Variants in MYH15 observed in about 807,000 individuals in gnomAD.
MYH15 encodes myosin-15.
A neutral mutation model predicts 240.5 loss-of-function variants in MYH15; 227 were observed. The ratio of observed to expected loss-of-function variants is 0.94; its 90% CI spans 0.85 to 1.05. The LOEUF is 1.05. Among genes scored for constraint, MYH15 ranks in the 50% least tolerant of loss-of-function variants. The pLI is 0.00. For missense variants in MYH15, 2,217 were observed against 2,247.5 expected, an observed-to-expected ratio of 0.99 and a Z score of 0.27; for synonymous variants, 785 against 796.7, an observed-to-expected ratio of 0.99 and a Z score of 0.25.
chr3:108,407,482 T>C (rs1164944833), intron 32 of MYH15, among the ~76,000 whole-genome samples: 2 of 152,204 alleles, frequency 1.3e-5, no homozygotes, highest in African/African-American at 4.8e-5. Context: ...CATGATAAGA[T>C]GACTTCCTTG....
At chr3:108,506,099 C>A (rs1429161934) in intron 1 of MYH15, among the ~76,000 whole-genome samples, 2 of 152,066 alleles carry the variant, frequency 1.3e-5, no homozygotes, top group Non-Finnish European at 2.9e-5. Flanking sequence ...CCTCCCAACA[C>A]CCCTCCCAAC....
chr3:108,517,942 T>C (rs1427603858), intron 1 of MYH15, among the ~76,000 whole-genome samples: 5 of 152,192 alleles, frequency 3.3e-5, no homozygotes, highest in Non-Finnish European at 7.3e-5. Context: ...GATAGAGCAA[T>C]GTACAGGGCC....
At chr3:108,382,454 C>T (rs1015489969) in intron 40 of MYH15, among the ~76,000 whole-genome samples, 1 of 152,138 alleles carries the variant, frequency 6.6e-6, no homozygotes, top group Non-Finnish European at 1.5e-5. Context: ...ACCCTATCAA[C>T]TTACCTTGCA....
At chr3:108,548,203 G>A in the MYH15 span, among the ~76,000 whole-genome samples, 1 of 151,966 alleles carries the variant, frequency 6.6e-6, no homozygotes, top group East Asian at 1.9e-4. Context: ...TGTCAAAATT[G>A]ATAAAAAAGC....
chr3:108,524,091 A>G (rs1038987689), intron 1 of MYH15, among the ~76,000 whole-genome samples: 1 of 151,994 alleles, frequency 6.6e-6, no homozygotes, highest in Non-Finnish European at 1.5e-5. Flanking sequence ...TAAGTCAAAG[A>G]AAATACACAT....
intron 14 of MYH15, among the ~76,000 whole-genome samples, chr3:108,467,035 C>T (rs1381678687): frequency 6.6e-6 from 1 of 151,964 alleles, no homozygotes; most frequent in Non-Finnish European, 1.5e-5. Flanking sequence ...TCCTGGAGTG[C>T]CAGGATGATG....
chr3:108,488,912 G>A (rs1212682698), intron 9 of MYH15, among the ~76,000 whole-genome samples: 1 of 152,098 alleles, frequency 6.6e-6, no homozygotes, highest in East Asian at 1.9e-4. Flanking sequence ...CAGTGAAAAA[G>A]GGTTGCCTTT....
rs536423868 is a variant in MYH15, at chr3:108,398,966, G to C, written c.4929+109C>G. 6.0e-3 allele frequency: 8,762 copies of C among 1,464,206 alleles called. 43 individuals carry two copies. The highest frequency in any genetic ancestry group is 6.2e-3 in the Non-Finnish European group (6,529 of 1,056,146). 90.7% of individuals were successfully genotyped at this position (1,464,206 alleles called of 1,614,324 possible). ...ATGCTCCTTCTCTCTGGAAAGATTA[G>C]ATTTGTTGTCCTCATCTTTACTGCT... is the stretch of plus-strand genomic sequence containing the variant. On this transcript the variant is annotated intron_variant, in intron 34 of 40. Coordinates refer to ENST00000693548, the MANE Select transcript of MYH15 (RefSeq NM_014981.3).
At chr3:108,499,622 A>T in intron 4 of MYH15, 140 bp from the exon 5 acceptor site, 1 of 805,772 alleles carries the variant, frequency 1.2e-6, no homozygotes, top group Non-Finnish European at 2.0e-6. Context: ...TTAGAAAAAC[A>T]TACCCCTCAA....
intron 20 of MYH15, among the ~76,000 whole-genome samples, chr3:108,454,812 T>C (rs932905095): frequency 6.6e-6 from 1 of 152,110 alleles, no homozygotes; most frequent in African/African-American, 2.4e-5. Flanking sequence ...AGTGTGAGAG[T>C]GCCCTGAGAG....
chr3:108,428,317 T>C (rs1326100620), intron 27 of MYH15, among the ~76,000 whole-genome samples, 175 bp downstream of exon 27: 7 of 152,202 alleles, frequency 4.6e-5, no homozygotes, highest in Non-Finnish European at 8.8e-5. Context: ...CTGTGTGACC[T>C]TAACAATGAC....
At chr3:108,395,078 C>A (rs943440936) in intron 35 of MYH15, among the ~76,000 whole-genome samples, 3 of 152,004 alleles carry the variant, frequency 2.0e-5, no homozygotes, top group Admixed American at 2.0e-4. Flanking sequence ...CCAGCCTGGG[C>A]AACATGGTGA....
chr3:108,430,114 T>C (rs555553013), intron 26 of MYH15, among the ~76,000 whole-genome samples: 1 of 152,294 alleles, frequency 6.6e-6, no homozygotes, highest in East Asian at 1.9e-4. Flanking sequence ...TGTCTGAAAC[T>C]AAAATGTTTA....
intron 1 of MYH15, among the ~76,000 whole-genome samples, chr3:108,506,746 A>T (rs531350038): frequency 1.3e-5 from 2 of 152,252 alleles, no homozygotes; most frequent in South Asian, 2.1e-4. Flanking sequence ...ACAAAAAACA[A>T]ATAAGGCAGG....
intron 1 of MYH15, among the ~76,000 whole-genome samples, chr3:108,520,060 A>C (rs1426659473): frequency 1.3e-5 from 2 of 152,196 alleles, no homozygotes; most frequent in African/African-American, 4.8e-5. Flanking sequence ...ATAAGTGCCA[A>C]GAATTGTCAA....
At chr3:108,411,013 G>C in intron 30 of MYH15, 81 bp from the exon 31 acceptor site, 1 of 1,198,434 alleles carries the variant, frequency 8.3e-7, no homozygotes, top group Non-Finnish European at 1.2e-6. Flanking sequence ...ATTAAAGATA[G>C]AGCTTGGGTG....
At chr3:108,412,165 C>T (rs924359814) in intron 30 of MYH15, among the ~76,000 whole-genome samples, 1 of 152,194 alleles carries the variant, frequency 6.6e-6, no homozygotes, top group African/African-American at 2.4e-5. Context: ...TGTGTCCCCA[C>T]CAAAATCTCA....
At chr3:108,459,262 T>C in intron 18 of MYH15, 100 bp downstream of exon 18, 1 of 757,068 alleles carries the variant, frequency 1.3e-6, no homozygotes, top group South Asian at 1.9e-5. Context: ...ATTCTACCCT[T>C]ATATAAAAGG....
In MYH15 at chr3:108,510,589, T is replaced by TGA. The variant is rs2107253284; in HGVS notation, c.-61_-60dup. On this transcript the variant is annotated 5_prime_UTR_variant, in exon 1 of 41. Transcript: ENST00000693548. Reference sequence around the variant, plus strand: ...AAACGTGAGTAGGCAAGATTCAACCTGAAAAAAAAAAATTGATACAGAGAA... The same window carrying TGA: ...AAACGTGAGTAGGCAAGATTCAACCTGAGAAAAAAAAAAATTGATACAGAGAA... 1.3e-6 allele frequency: 2 copies of TGA among 1,537,820 alleles called. No homozygotes were observed. Among genetic ancestry groups the TGA allele is most frequent in the Non-Finnish European group, 1.7e-6 (2 of 1,147,116 alleles).
Sources: gnomAD v4.1 joint callset for allele counts (sites outside exome capture counted in the v4.1 genomes callset) on GRCh38, gnomAD v4.1.1 for gene constraint, MANE v1.5 for transcripts, NCBI Gene and HGNC (gene_info 2026-07-23, HGNC 2026-07-21) for gene names.